The following AFF2 variants were observed in gnomAD, a reference collection of about 807,000 sequenced individuals.
AFF2 encodes ALF transcription elongation factor 2.
AFF2 carries 14 observed loss-of-function variants against 76.9 expected under a neutral mutation model. The observed-to-expected ratio is 0.18, with a 90% CI of 0.12 to 0.28. The LOEUF (loss-of-function observed/expected upper bound fraction) is 0.28. AFF2 is among the 10% of genes least tolerant of loss of function. The probability of loss-of-function intolerance (pLI) is 1.00; values close to 1 mark genes in which losing one functional copy is unlikely to be tolerated. For missense variants in AFF2, 868 were observed against 1,001.1 expected, an observed-to-expected ratio of 0.87 and a Z score of 1.79; for synonymous variants, 398 against 366.7, an observed-to-expected ratio of 1.09 and a Z score of -0.98.
intron 3 of AFF2, among the ~76,000 whole-genome samples, chrX:148,703,252 AG>A (rs1460172890): frequency 8.9e-6 from 1 of 111,955 alleles, no homozygotes; most frequent in Non-Finnish European, 1.9e-5. Flanking sequence ...TGCATACAAA[AG>A]TTATTTTCAT....
intron 9 of AFF2, among the ~76,000 whole-genome samples, chrX:148,946,992 G>C (rs1281201279): frequency 1.8e-5 from 2 of 112,284 alleles, no homozygotes; most frequent in African/African-American, 6.5e-5. Flanking sequence ...CTTTGGGTCA[G>C]TCATTACTCC....
chrX:148,705,754 C>A (rs1404808428), intron 3 of AFF2, among the ~76,000 whole-genome samples: 1 of 111,790 alleles, frequency 8.9e-6, no homozygotes, highest in Non-Finnish European at 1.9e-5. Flanking sequence ...TAATGTGTGC[C>A]TCATCTTGAG....
chrX:148,942,140 C>T (rs997914679), intron 9 of AFF2, among the ~76,000 whole-genome samples: 1 of 107,930 alleles, frequency 9.3e-6, no homozygotes, highest in Admixed American at 1.0e-4. Context: ...ATTAAAAAGT[C>T]ATTAGCGATG....
At chrX:148,649,035 TG>T (rs2054175606) in intron 1 of AFF2, among the ~76,000 whole-genome samples, 2 of 111,781 alleles carry the variant, frequency 1.8e-5, no homozygotes, top group East Asian at 5.6e-4. Flanking sequence ...TTCAGGTTTT[TG>T]GCTTGAGCAT....
chrX:148,709,948 G>T (rs1468424943), intron 3 of AFF2, among the ~76,000 whole-genome samples: 1 of 111,604 alleles, frequency 9.0e-6, no homozygotes, highest in African/African-American at 3.3e-5. Context: ...TATAAATTGA[G>T]AAAGCCTAAA....
intron 4 of AFF2, among the ~76,000 whole-genome samples, chrX:148,816,910 A>T (rs1472247618): frequency 2.1e-5 from 2 of 94,526 alleles, no homozygotes; most frequent in Non-Finnish European, 4.2e-5. Flanking sequence ...TAGTAATAAA[A>T]AAGAATCACC....
chrX:148,701,013 T>A (rs1412525315), intron 3 of AFF2, among the ~76,000 whole-genome samples: 15 of 13,115 alleles, frequency 1.1e-3, no homozygotes, highest in Non-Finnish European at 1.8e-3. Context: ...AGAGAGAGAA[T>A]GTGTGTGTGT....
chrX:148,651,844 G>C (rs1295102519), intron 1 of AFF2, among the ~76,000 whole-genome samples, 155 bp from the exon 2 acceptor site: 1 of 111,667 alleles, frequency 9.0e-6, no homozygotes, highest in Non-Finnish European at 1.9e-5. Flanking sequence ...AACTCAATAG[G>C]TGTAATGAAA....
chrX:148,501,007 C>T lies in AFF2; in HGVS notation c.-91C>T. 4.7e-6 allele frequency: 5 copies of T among 1,070,528 alleles called. No individual in the cohort carries two copies. The East Asian group carries it at 9.6e-5, about 20-fold the overall frequency. 88.2% of individuals were successfully genotyped at this position (1,070,528 alleles called of 1,213,427 possible). A position where few individuals can be genotyped will look rare whatever the true frequency, so the allele number is the denominator to read the frequency against. On this transcript the variant is annotated 5_prime_UTR_variant, in exon 1 of 21. Transcript: ENST00000370460. ...GCGGGAGGGCTGGAGAGCCGGGGGCCGCCGAGAACCGCCAGCGAGCTGTGC... is the reference window on the plus strand; with the variant it reads ...GCGGGAGGGCTGGAGAGCCGGGGGCTGCCGAGAACCGCCAGCGAGCTGTGC...
At chrX:148,778,180 C>G (rs1253346128) in intron 3 of AFF2, among the ~76,000 whole-genome samples, 3 of 111,834 alleles carry the variant, frequency 2.7e-5, no homozygotes, top group Non-Finnish European at 5.6e-5. Context: ...GTTGAACTAG[C>G]CTTGCATCCC....
chrX:148,836,568 C>T (rs2070528721), intron 4 of AFF2, among the ~76,000 whole-genome samples: 1 of 110,873 alleles, frequency 9.0e-6, no homozygotes, highest in East Asian at 2.8e-4. Context: ...TTCCCCAAAT[C>T]CCTACTTTAT....
chrX:148,881,199 T>A (rs1196914779), intron 7 of AFF2, among the ~76,000 whole-genome samples: 2 of 111,936 alleles, frequency 1.8e-5, no homozygotes, highest in Non-Finnish European at 3.8e-5. Flanking sequence ...TTGCAAGTCC[T>A]GAGAACAACT....
intron 1 of AFF2, among the ~76,000 whole-genome samples, chrX:148,644,639 A>T (rs2054125962): frequency 1.8e-5 from 2 of 112,360 alleles, no homozygotes; most frequent in Admixed American, 1.9e-4. Context: ...TATACCAGCA[A>T]TGTATGTTTC....
At chrX:148,701,968 T>C (rs782686754) in intron 3 of AFF2, among the ~76,000 whole-genome samples, 1 of 112,507 alleles carries the variant, frequency 8.9e-6, no homozygotes, top group Admixed American at 9.4e-5. Flanking sequence ...TGCTGTGCAT[T>C]GAAAAAGTAA....
chrX:148,831,783 C>A (rs1270579968), intron 4 of AFF2, among the ~76,000 whole-genome samples: 1 of 112,264 alleles, frequency 8.9e-6, no homozygotes, highest in East Asian at 2.8e-4. Flanking sequence ...CATCCTGGTG[C>A]TTAGCTGCTT....
At chrX:148,809,629 A>T (rs1439780746) in intron 3 of AFF2, among the ~76,000 whole-genome samples, 2 of 112,027 alleles carry the variant, frequency 1.8e-5, no homozygotes, top group East Asian at 5.6e-4. Context: ...GGGATGGGGG[A>T]TGGGTCAGTG....
At chrX:148,526,967 A>G (rs959310507) in intron 1 of AFF2, among the ~76,000 whole-genome samples, 1 of 112,337 alleles carries the variant, frequency 8.9e-6, no homozygotes, top group Admixed American at 9.5e-5. Flanking sequence ...GGTAAGAGTC[A>G]TCAATGGATC....
At chrX:148,632,756 A>G (rs782368759) in intron 1 of AFF2, among the ~76,000 whole-genome samples, 27 of 111,837 alleles carry the variant, frequency 2.4e-4, no homozygotes, top group Non-Finnish European at 3.2e-4. Context: ...TAATCATAGA[A>G]TCCCAGAATG....
chrX:148,770,535 G>C (rs2069574209), intron 3 of AFF2, among the ~76,000 whole-genome samples: 1 of 111,215 alleles, frequency 9.0e-6, no homozygotes, highest in South Asian at 3.8e-4. Flanking sequence ...TGGACAAAGA[G>C]GTAGAAACTT....
Sources: allele counts gnomAD v4.1 joint callset (sites outside exome capture counted in the v4.1 genomes callset), GRCh38; gene constraint gnomAD v4.1.1; transcripts MANE v1.5; gene names NCBI Gene and HGNC (gene_info 2026-07-23, HGNC 2026-07-21).